RGN: variants seen among roughly 807,000 people sequenced by gnomAD.
RGN encodes the protein regucalcin.
In RGN, 19 loss-of-function variants were observed where a neutral mutation model predicts 20.6. The ratio of observed to expected loss-of-function variants is 0.92; its 90% CI spans 0.64 to 1.35. The LOEUF (loss-of-function observed/expected upper bound fraction) is 1.35, where lower values mean the gene tolerates loss of function less well. Among genes scored for constraint, RGN ranks in the 40% most tolerant of loss-of-function variants. RGN has a pLI of 0.00. For missense variants in RGN, 302 were observed against 232.7 expected, an observed-to-expected ratio of 1.30 and a Z score of -1.94; for synonymous variants, 85 against 87.2, an observed-to-expected ratio of 0.97 and a Z score of 0.14.
chrX:47,088,156 A>G (rs1556385051), intron 4 of RGN, among the ~76,000 whole-genome samples: 1 of 106,346 alleles, frequency 9.4e-6, no homozygotes, highest in African/African-American at 3.4e-5. Flanking sequence ...CCAGGCCCAG[A>G]AAAAGGTGGG....
chrX:47,091,349 C>A (rs1302027632), intron 5 of RGN, among the ~76,000 whole-genome samples: 5 of 111,950 alleles, frequency 4.5e-5, no homozygotes, highest in African/African-American at 1.6e-4. Context: ...AAAGGTCTAA[C>A]CACAAGCTGA....
intron 3 of RGN, among the ~76,000 whole-genome samples, chrX:47,082,073 C>T (rs1465644840): frequency 1.8e-5 from 2 of 111,682 alleles, no homozygotes; most frequent in Non-Finnish European, 3.8e-5. Context: ...TTGTTTACTG[C>T]ACAAAATAGA....
intron 3 of RGN, among the ~76,000 whole-genome samples, chrX:47,082,856 G>A (rs1258119333): frequency 9.5e-6 from 1 of 105,300 alleles, no homozygotes; most frequent in Non-Finnish European, 1.9e-5. Context: ...GCTACCAAGA[G>A]AAGTCTCAGG....
Position 47,093,039 on chromosome X carries a change from G to A in RGN, c.*92G>A. ...CAATCTAGTTAGAAAGAAAAATGAGGCAATGATTTTATTAACAGCGTTAAG... is the reference window on the plus strand; with the variant it reads ...CAATCTAGTTAGAAAGAAAAATGAGACAATGATTTTATTAACAGCGTTAAG... On this transcript the variant is annotated 3_prime_UTR_variant, in exon 8 of 8. Coordinates refer to ENST00000397180, the MANE Select transcript of RGN (RefSeq NM_152869.4). The A allele has an allele frequency of 1.4e-6, 1 of 696,368 alleles. No individual in the cohort carries two copies. Among genetic ancestry groups the A allele is most frequent in the Non-Finnish European group, 2.2e-6 (1 of 459,738 alleles). 57.4% of individuals were successfully genotyped at this position (696,368 alleles called of 1,213,427 possible).
In RGN at chrX:47,089,933, T is replaced by C; in HGVS notation, c.504T>C (p.Ile168=). Residue 168 remains isoleucine, a synonymous_variant, in exon 5 of 8, where the codon ATT becomes ATC. Transcript: ENST00000397180. ...WSLDHKIFYY[I]DSLSYSVDAF... is the part of the protein sequence containing the mutation. ...TAGACCACAAAATCTTCTATTACAT[T>C]GACAGCCTGTCCTACTCCGTGGATG... 8.3e-7 allele frequency: 1 copy of C among 1,209,531 alleles called. No homozygotes were observed. The highest frequency in any genetic ancestry group is 1.8e-5 in the South Asian group (1 of 56,796).
At chrX:47,082,848 T>C (rs371960777) in intron 3 of RGN, among the ~76,000 whole-genome samples, 8 of 100,002 alleles carry the variant, frequency 8.0e-5, no homozygotes, top group African/African-American at 2.6e-4. Context: ...CTTAGAGAGC[T>C]ACCAAGAGAA....
chrX:47,084,449 G>C lies in RGN; in HGVS notation c.195G>C (p.Gln65His), dbSNP rs1556383066. The C allele has an allele frequency of 8.3e-7, 1 of 1,205,574 alleles. No individual in the cohort carries two copies. Among genetic ancestry groups the C allele is most frequent in the South Asian group, 1.8e-5 (1 of 55,571 alleles). The change falls in exon 4 of 8, where the codon CAG (glutamine) becomes CAC (histidine). Residue 65 changes from glutamine (Q) to histidine (H), a missense_variant. By Grantham distance (24) the Gln-to-His change is conservative. Coordinates refer to ENST00000397180, the MANE Select transcript of RGN (RefSeq NM_152869.4). ...DAPVSSVALR[Q>H]SGGYVATIGT... ...CAGTCAGCTCCGTGGCTCTTCGCCA[G>C]TCGGGAGGCTATGTTGCCACCATTG...
In RGN at chrX:47,092,177, G is replaced by A. The variant is rs201215269; in HGVS notation, c.811G>A (p.Gly271Ser). 6.7e-4 allele frequency: 794 copies of A among 1,188,577 alleles called. 9 individuals are homozygous for A. Among genetic ancestry groups the A allele is most frequent in the East Asian group, 5.2e-4 (17 of 32,722 alleles). ...TCARDGMDPE[G>S]LLRQPEAGGI... is the part of the protein sequence containing the mutation. ...CGCCCGGGATGGGATGGACCCCGAG[G>A]GTCTTTTGAGGCAACCTGAAGCTGG... Residue 271 changes from glycine (G) to serine (S), a missense_variant, in exon 7 of 8, where the codon GGT (glycine) becomes AGT (serine). Gly to Ser is a moderately conservative substitution (Grantham distance 56). Transcript: ENST00000397180.
At chrX:47,089,532 A>ATATTATATTTACT (rs1569540553) in intron 4 of RGN, among the ~76,000 whole-genome samples, 3 of 33,251 alleles carry the variant, frequency 9.0e-5, no homozygotes, top group Non-Finnish European at 1.5e-4. Context: ...ATATATACTC[A>ATATTATATTTACT]TATATATACA....
intron 5 of RGN, among the ~76,000 whole-genome samples, chrX:47,091,281 T>C (rs1490888402): frequency 9.0e-6 from 1 of 111,528 alleles, no homozygotes; most frequent in Non-Finnish European, 1.9e-5. Flanking sequence ...GCATGAACTG[T>C]TCACGTGGTA....
At chrX:47,091,372 A>G (rs959806921) in intron 5 of RGN, among the ~76,000 whole-genome samples, 4 of 112,092 alleles carry the variant, frequency 3.6e-5, no homozygotes, top group African/African-American at 9.7e-5. Context: ...TGTACTTGAC[A>G]TAGACATGCA....
At chrX:47,085,757 C>T (rs992986998) in intron 4 of RGN, among the ~76,000 whole-genome samples, 32 of 111,454 alleles carry the variant, frequency 2.9e-4, no homozygotes, top group African/African-American at 1.0e-3. Context: ...GCTGGGATTA[C>T]AGGTGTGAGC....
chrX:47,083,024 T>C (rs1335043324), intron 3 of RGN, among the ~76,000 whole-genome samples: 1 of 111,270 alleles, frequency 9.0e-6, no homozygotes, highest in East Asian at 2.8e-4. Context: ...TTTCAAAATC[T>C]ATTCTGATAA....
chrX:47,081,303 C>T lies in RGN; in HGVS notation c.159C>T (p.Thr53=), dbSNP rs781891891. The change falls in exon 3 of 8, where the codon ACC becomes ACT. Residue 53 remains threonine, a synonymous_variant. Transcript: ENST00000397180. ...TCACCAAGCAAGTACAGCGAGTGAC[C>T]ATGGGTAAGGATGAAGGCTGGACTC... ...DSFTKQVQRV[T]MDAPVSSVAL... 1.7e-6 allele frequency: 2 copies of T among 1,209,901 alleles called. No individual in the cohort carries two copies. Among genetic ancestry groups the T allele is most frequent in the East Asian group, 5.9e-5 (2 of 33,819 alleles).
At chrX:47,092,328 A>G in intron 7 of RGN, 113 bp downstream of exon 7, 1 of 664,287 alleles carries the variant, frequency 1.5e-6, no homozygotes, top group East Asian at 3.5e-5. Context: ...CCTATTTAGC[A>G]TGTTAAGCTC....
At chrX:47,083,970 C>T in intron 3 of RGN, among the ~76,000 whole-genome samples, 1 of 109,435 alleles carries the variant, frequency 9.1e-6, no homozygotes, top group Non-Finnish European at 1.9e-5. Context: ...AGAGAGATGT[C>T]ACAAAACCTA....
At chrX:47,088,628 C>CTGAAATATTA in intron 4 of RGN, among the ~76,000 whole-genome samples, 1 of 110,123 alleles carries the variant, frequency 9.1e-6, no homozygotes, top group East Asian at 2.9e-4. Flanking sequence ...TTATGAGGCC[C>CTGAAATATTA]TGAGTCTTGT....
chrX:47,085,525 A>G (rs1175329484), intron 4 of RGN, among the ~76,000 whole-genome samples: 1 of 111,449 alleles, frequency 9.0e-6, no homozygotes, highest in Admixed American at 9.6e-5. Flanking sequence ...TCAAAAAAAA[A>G]AAGAATAGTA....
Position 47,092,157 on chromosome X carries a change from G to A in RGN, c.791G>A (p.Arg264Gln), listed in dbSNP as rs911831433. Residue 264 changes from arginine (R) to glutamine (Q), a missense_variant, in exon 7 of 8, where the codon CGG becomes CAG. Transcript: ENST00000397180. ...NYSEMYVTCARDGMDPEGLLR... is the reference protein window; with the variant it reads ...NYSEMYVTCAQDGMDPEGLLR... The stretch of plus-strand genomic sequence containing the variant: ...TCTGAAATGTATGTGACCTGCGCCC[G>A]GGATGGGATGGACCCCGAGGGTCTT... 14 of 1,197,418 alleles carry A rather than the reference G, an allele frequency of 1.2e-5. No individual in the cohort carries two copies. Among genetic ancestry groups the A allele is most frequent in the South Asian group, 1.8e-5 (1 of 54,978 alleles).
Sources: allele counts gnomAD v4.1 joint callset (sites outside exome capture counted in the v4.1 genomes callset), GRCh38; gene constraint gnomAD v4.1.1; transcripts MANE v1.5; gene names NCBI Gene and HGNC (gene_info 2026-07-23, HGNC 2026-07-21).